Variants in ACACB observed in about 807,000 individuals in gnomAD.
ACACB encodes acetyl-CoA carboxylase 2.
In ACACB, 209 loss-of-function variants were observed where a neutral mutation model predicts 278.8. The ratio of observed to expected loss-of-function variants is 0.75; its 90% CI spans 0.67 to 0.84. ACACB has a LOEUF of 0.84. Among genes scored for constraint, ACACB ranks in the 40% least tolerant of loss-of-function variants. The pLI is 0.00. For missense variants in ACACB, 2,850 were observed against 3,269.0 expected, an observed-to-expected ratio of 0.87 and a Z score of 3.13; for synonymous variants, 1,174 against 1,285.6, an observed-to-expected ratio of 0.91 and a Z score of 1.86.
chr12:109,193,367 G>A (rs1461859837), intron 15 of ACACB, among the ~76,000 whole-genome samples: 2 of 152,020 alleles, frequency 1.3e-5, no homozygotes, highest in Admixed American at 1.3e-4. Context: ...ACAGCTGCAT[G>A]CCACCACGCC....
At chr12:109,165,757 G>T (rs1238516638) in intron 2 of ACACB, among the ~76,000 whole-genome samples, 1 of 152,148 alleles carries the variant, frequency 6.6e-6, no homozygotes, top group Non-Finnish European at 1.5e-5. Context: ...AGCTGGTGGA[G>T]GGGAGCCGAT....
At chr12:109,235,827 G>T in intron 33 of ACACB, 180 bp downstream of exon 33, 1 of 554,736 alleles carries the variant, frequency 1.8e-6, no homozygotes, top group Non-Finnish European at 3.1e-6. Flanking sequence ...GTGAGACCCT[G>T]TCTCTACAAA....
At chr12:109,194,183 T>G (rs190630441) in intron 16 of ACACB, among the ~76,000 whole-genome samples, 19 of 139,894 alleles carry the variant, frequency 1.4e-4, no homozygotes, top group African/African-American at 5.0e-4. Context: ...GTCTCTGTTT[T>G]TTTTTTTTGT....
chr12:109,119,167 C>T (rs1209215691), intron 1 of ACACB, among the ~76,000 whole-genome samples: 1 of 152,166 alleles, frequency 6.6e-6, no homozygotes, highest in Non-Finnish European at 1.5e-5. Flanking sequence ...ATGATGGGCT[C>T]AGGCCAATCA....
At position 109,265,428 on chromosome 12, in the gene ACACB, CT is replaced by C; in HGVS notation, c.7154del (p.Leu2385ArgfsTer22). On this transcript the variant is annotated frameshift_variant, in exon 52 of 53. Transcript: ENST00000338432. LOFTEE classifies it high-confidence loss of function. ...WDNNQVVVQW[L>X]EQHWQAGDGP... ...CAACAACCAGGTGGTTGTGCAGTGG[CT>C]GGAACAGCACTGGCAGGCAGGGGAT... 1 of 1,613,756 alleles carries C rather than the reference CT, an allele frequency of 6.2e-7. No individual in the cohort carries two copies. Among genetic ancestry groups the C allele is most frequent in the South Asian group, 1.1e-5 (1 of 91,058 alleles).
At chr12:109,210,492 T>TACGC (rs1431519189) in intron 21 of ACACB, among the ~76,000 whole-genome samples, 3 of 147,280 alleles carry the variant, frequency 2.0e-5, no homozygotes, top group Admixed American at 6.8e-5. Context: ...TGTGTATATA[T>TACGC]ACATGTATGT....
Position 109,209,243 on chromosome 12 carries a change from A to G in ACACB, c.3139A>G (p.Thr1047Ala), listed in dbSNP as rs1392365429. The G allele has an allele frequency of 1.2e-6, 2 of 1,611,228 alleles. No individual in the cohort carries two copies. Among genetic ancestry groups the G allele is most frequent in the African/African-American group, 2.7e-5 (2 of 74,888 alleles). The change falls in exon 21 of 53, where the codon ACC becomes GCC. Residue 1047 changes from threonine (T) to alanine (A), a missense_variant. Physicochemically the swap from Thr to Ala is moderately conservative, Grantham distance 58 (BLOSUM62 0). This residue lies in a region of ACACB where 2,265 missense variants were observed against 2,561.3 expected (regional missense o/e 0.88). Transcript: ENST00000338432. Reference protein sequence around the residue: ...LPLLELQEIMTSVAGRIPAPV... With the variant: ...LPLLELQEIMASVAGRIPAPV... ...GCTGCTGGAGCTGCAGGAGATCATG[A>G]CCAGCGTGGCAGGCCGCATCCCCGC...
chr12:109,238,573 A>T (rs2337855), intron 34 of ACACB, among the ~76,000 whole-genome samples: 67,737 of 145,434 alleles, frequency 0.47, 16,851 homozygotes, highest in East Asian at 0.67. Flanking sequence ...ATATATATAT[A>T]TTTTTTTGGA....
upstream of ACACB, among the ~76,000 whole-genome samples, chr12:109,112,899 C>T (rs1268516926): frequency 6.6e-6 from 1 of 152,068 alleles, no homozygotes; most frequent in Non-Finnish European, 1.5e-5. Context: ...TGCAGTTACC[C>T]GTTCTCCGTG....
intron 2 of ACACB, among the ~76,000 whole-genome samples, chr12:109,140,311 C>T (rs998622407): frequency 2.1e-5 from 3 of 142,056 alleles, no homozygotes; most frequent in African/African-American, 7.9e-5. Context: ...TCCTTCCTTC[C>T]TTCCTTCCTT....
At chr12:109,197,198 T>C (rs770077953) in intron 17 of ACACB, 45 bp downstream of exon 17, 3 of 1,573,542 alleles carry the variant, frequency 1.9e-6, no homozygotes, top group East Asian at 4.8e-5. Context: ...CATGCACAGC[T>C]CTCTGTCCTA....
intron 1 of ACACB, among the ~76,000 whole-genome samples, chr12:109,118,934 A>G (rs1342807436): frequency 1.3e-5 from 2 of 152,210 alleles, no homozygotes; most frequent in Non-Finnish European, 2.9e-5. Flanking sequence ...TTTTCTAGGA[A>G]GATAGACCGT....
intron 21 of ACACB, among the ~76,000 whole-genome samples, chr12:109,212,397 T>C (rs2045875003): frequency 6.6e-6 from 1 of 152,162 alleles, no homozygotes. Flanking sequence ...TAATATATAA[T>C]GAAATAATTA....
At chr12:109,210,039 A>G (rs1467730556) in intron 21 of ACACB, among the ~76,000 whole-genome samples, 1 of 119,848 alleles carries the variant, frequency 8.3e-6, no homozygotes, top group Non-Finnish European at 1.8e-5. Flanking sequence ...ATATGTGTAT[A>G]TGTGTATATA....
At chr12:109,207,646 A>G (rs972790114) in intron 20 of ACACB, among the ~76,000 whole-genome samples, 3 of 152,174 alleles carry the variant, frequency 2.0e-5, no homozygotes, top group African/African-American at 7.2e-5. Flanking sequence ...TGACGATAAT[A>G]ACCGCCAACC....
chr12:109,174,797 G>T (rs1053545208), intron 7 of ACACB, among the ~76,000 whole-genome samples: 1 of 152,196 alleles, frequency 6.6e-6, no homozygotes, highest in Non-Finnish European at 1.5e-5. Context: ...TTGAGCCTAG[G>T]AGGTCGAGGT....
chr12:109,117,994 C>T (rs1030897131), intron 1 of ACACB, among the ~76,000 whole-genome samples: 2 of 152,178 alleles, frequency 1.3e-5, no homozygotes, highest in Admixed American at 6.5e-5. Context: ...AAGTGATCCG[C>T]CCGCCTCGGC....
Position 109,235,376 on chromosome 12 carries a change from T to A in ACACB, c.4404+7T>A. On this transcript the variant is annotated splice_region_variant and intron_variant, in intron 32 of 52. Coordinates refer to ENST00000338432, the MANE Select transcript of ACACB (RefSeq NM_001093.4). ...ATTCTTGATTGCCCAAGAGGTTAGT[T>A]CACAGTTCATCTCTATGAGTCTTTC... 6.2e-7 allele frequency: 1 copy of A among 1,611,844 alleles called. No individual in the cohort carries two copies. The highest frequency in any genetic ancestry group is 1.7e-5 in the Admixed American group (1 of 60,016).
chr12:109,168,124 A>G, intron 4 of ACACB, 90 bp downstream of exon 4: 21 of 1,407,220 alleles, frequency 1.5e-5, no homozygotes, highest in Non-Finnish European at 2.0e-5. Context: ...TCCATCCTGG[A>G]CTCCCGATGG....
Sources: allele counts gnomAD v4.1 joint callset (sites outside exome capture counted in the v4.1 genomes callset), GRCh38; gene constraint gnomAD v4.1.1; regional missense constraint gnomAD v4.1.1; transcripts MANE v1.5; gene names NCBI Gene and HGNC (gene_info 2026-07-23, HGNC 2026-07-21).